The following DRC11 variants were observed in gnomAD, a reference collection of about 807,000 sequenced individuals.
DRC11 encodes dynein regulatory complex subunit 11.
At chr2:236,477,016 T>A in the DRC11 span, among the ~76,000 whole-genome samples, 1 of 152,196 alleles carries the variant, frequency 6.6e-6, no homozygotes, top group Non-Finnish European at 1.5e-5. Context: ...TTTTAGTGTT[T>A]TGTTGAGGAT....
At chr2:236,414,941 C>G in the DRC11 span, among the ~76,000 whole-genome samples, 3 of 152,184 alleles carry the variant, frequency 2.0e-5, no homozygotes, top group Non-Finnish European at 4.4e-5. Flanking sequence ...GAAATTCACA[C>G]AGAAACACTG....
the DRC11 span, among the ~76,000 whole-genome samples, chr2:236,371,611 T>A: frequency 6.6e-6 from 1 of 152,308 alleles, no homozygotes; most frequent in Middle Eastern, 3.4e-3. The surrounding 1 kb of genome is among the most constrained non-coding windows in gnomAD (Gnocchi z 5.1). Flanking sequence ...AGCCCTCACC[T>A]TGTCCTGGTT....
the DRC11 span, among the ~76,000 whole-genome samples, chr2:236,354,358 G>T: frequency 7.3e-6 from 1 of 137,160 alleles, no homozygotes; most frequent in African/African-American, 2.8e-5. Flanking sequence ...TGTGTGGGGG[G>T]CAGGTTGGTG....
chr2:236,349,465 C>T, the DRC11 span, among the ~76,000 whole-genome samples: 6 of 152,238 alleles, frequency 3.9e-5, no homozygotes, highest in Non-Finnish European at 7.4e-5. The surrounding 1 kb of genome is among the most constrained non-coding windows in gnomAD (Gnocchi z 5.5). Flanking sequence ...AAACCATCTT[C>T]GCATCAACAA....
chr2:236,367,998 C>T, the DRC11 span: 2 of 618,802 alleles, frequency 3.2e-6, no homozygotes, highest in African/African-American at 1.8e-5. This position sits in a 1 kb window ranked among gnomAD's most constrained non-coding sequence, Gnocchi z 4.8. Flanking sequence ...AGAGAGGGTG[C>T]AGAAGTGCTC....
the DRC11 span, among the ~76,000 whole-genome samples, chr2:236,312,394 T>C: frequency 6.6e-6 from 1 of 152,146 alleles, no homozygotes; most frequent in African/African-American, 2.4e-5. Flanking sequence ...GTGTATTACA[T>C]AGGAAAAGCC....
At chr2:236,507,174 G>T in the DRC11 span, 4 of 1,418,628 alleles carry the variant, frequency 2.8e-6, no homozygotes, top group South Asian at 2.3e-5. Flanking sequence ...AAAGAAAAAA[G>T]AAAATAAGAG....
At chr2:236,463,975 T>C in the DRC11 span, among the ~76,000 whole-genome samples, 2 of 152,234 alleles carry the variant, frequency 1.3e-5, no homozygotes, top group African/African-American at 2.4e-5. This position sits in a 1 kb window ranked among gnomAD's most constrained non-coding sequence, Gnocchi z 5.0. Context: ...GGCCCTCAGC[T>C]TCTCACTGGC....
the DRC11 span, among the ~76,000 whole-genome samples, chr2:236,478,150 G>A: frequency 6.6e-6 from 1 of 151,832 alleles, no homozygotes; most frequent in Admixed American, 6.6e-5. The surrounding 1 kb of genome is among the most constrained non-coding windows in gnomAD (Gnocchi z 5.9). Context: ...GGTTGTTTGA[G>A]CTCTTTCTGT....
the DRC11 span, among the ~76,000 whole-genome samples, chr2:236,467,977 C>G: frequency 6.6e-6 from 1 of 152,176 alleles, no homozygotes; most frequent in African/African-American, 2.4e-5. Flanking sequence ...AGTGTCCACT[C>G]ACCCCATAAA....
At chr2:236,491,170 TATATATATATACAC>T in the DRC11 span, among the ~76,000 whole-genome samples, 6 of 79,090 alleles carry the variant, frequency 7.6e-5, 1 homozygote, top group Non-Finnish European at 1.4e-4. Flanking sequence ...TATATATATA[TATATATATATACAC>T]ACAGTATATA....
At chr2:236,359,677 G>A in the DRC11 span, among the ~76,000 whole-genome samples, 24 of 152,258 alleles carry the variant, frequency 1.6e-4, no homozygotes, top group African/African-American at 5.8e-4. This position sits in a 1 kb window ranked among gnomAD's most constrained non-coding sequence, Gnocchi z 4.3. Flanking sequence ...GCTTCCTGCC[G>A]TCAACGTACC....
the DRC11 span, among the ~76,000 whole-genome samples, chr2:236,340,679 C>A: frequency 6.6e-6 from 1 of 152,174 alleles, no homozygotes; most frequent in Non-Finnish European, 1.5e-5. Context: ...TCTGAGCCCA[C>A]CCTCAGCAAC....
the DRC11 span, among the ~76,000 whole-genome samples, chr2:236,371,583 T>C: frequency 6.6e-6 from 1 of 152,154 alleles, no homozygotes; most frequent in African/African-American, 2.4e-5. The surrounding 1 kb of genome is among the most constrained non-coding windows in gnomAD (Gnocchi z 5.1). Flanking sequence ...CTCTTATGCA[T>C]TGCACTCTCT....
At chr2:236,318,413 G>T in the DRC11 span, among the ~76,000 whole-genome samples, 1 of 152,144 alleles carries the variant, frequency 6.6e-6, no homozygotes, top group Non-Finnish European at 1.5e-5. This position sits in a 1 kb window ranked among gnomAD's most constrained non-coding sequence, Gnocchi z 7.0. Context: ...CTGCACGCAT[G>T]CCTACGTGTG....
chr2:236,373,652 A>G, the DRC11 span, among the ~76,000 whole-genome samples: 1 of 152,022 alleles, frequency 6.6e-6, no homozygotes, highest in African/African-American at 2.4e-5. Flanking sequence ...TTTTTTTCTT[A>G]TGATAATTTT....
At chr2:236,382,986 T>C in the DRC11 span, among the ~76,000 whole-genome samples, 1 of 152,168 alleles carries the variant, frequency 6.6e-6, no homozygotes, top group South Asian at 2.1e-4. Context: ...GTATGGGACA[T>C]TTGTCACAAC....
the DRC11 span, among the ~76,000 whole-genome samples, chr2:236,479,390 T>A: frequency 2.0e-5 from 3 of 152,338 alleles, no homozygotes. The surrounding 1 kb of genome is among the most constrained non-coding windows in gnomAD (Gnocchi z 4.1). Context: ...TTTACATTTT[T>A]TTTTCTGGTT....
At chr2:236,457,493 T>C in the DRC11 span, among the ~76,000 whole-genome samples, 1 of 152,214 alleles carries the variant, frequency 6.6e-6, no homozygotes, top group Non-Finnish European at 1.5e-5. The surrounding 1 kb of genome is among the most constrained non-coding windows in gnomAD (Gnocchi z 4.7). Flanking sequence ...CATAGAGCTG[T>C]TGAGAGTTGT....
Sources: gnomAD v4.1 joint callset for allele counts (sites outside exome capture counted in the v4.1 genomes callset) on GRCh38, gnomAD v4.1.1 for gene constraint, Gnocchi (gnomAD v3.1) non-coding constraint, MANE v1.5 for transcripts, NCBI Gene and HGNC (gene_info 2026-07-23, HGNC 2026-07-21) for gene names.